Variants in DLG2 observed in about 807,000 individuals in gnomAD.
DLG2 encodes disks large homolog 2.
DLG2 carries 45 observed loss-of-function variants against 132.5 expected under a neutral mutation model. The ratio of observed to expected loss-of-function variants is 0.34; its 90% confidence interval spans 0.27 to 0.44. DLG2 has a LOEUF of 0.44. Ranked by LOEUF, DLG2 falls within the 20% of genes least tolerant of loss-of-function variation. DLG2 has a pLI of 1.00. For synonymous variants in DLG2, 424 were observed against 419.6 expected (o/e 1.01, Z -0.13); for missense variants, 1,045 against 1,196.9 (o/e 0.87, Z 1.87).
At chr11:84,461,101 G>T (rs1221687808) in intron 7 of DLG2, among the ~76,000 whole-genome samples, 1 of 150,738 alleles carries the variant, frequency 6.6e-6, no homozygotes, top group Admixed American at 6.6e-5. Context: ...GGAAGACTAT[G>T]AAAAAAATAA....
At chr11:85,276,872 T>C (rs548583782) in intron 4 of DLG2, among the ~76,000 whole-genome samples, 41 of 152,286 alleles carry the variant, frequency 2.7e-4, no homozygotes, top group African/African-American at 9.6e-4. Flanking sequence ...TAAGGTATGA[T>C]CTAACAAGTG....
At chr11:84,306,262 AATT>A (rs534034776) in intron 7 of DLG2, among the ~76,000 whole-genome samples, 4 of 152,100 alleles carry the variant, frequency 2.6e-5, no homozygotes, top group South Asian at 2.1e-4. Context: ...TAAATATATA[AATT>A]ATTATTTGTC....
intron 7 of DLG2, among the ~76,000 whole-genome samples, chr11:84,367,607 G>A (rs530462804): frequency 6.6e-6 from 1 of 152,168 alleles, no homozygotes; most frequent in East Asian, 1.9e-4. Context: ...GGATTAATGG[G>A]TTAGTGAAGT....
At chr11:83,730,397 T>C (rs896502292) in intron 18 of DLG2, among the ~76,000 whole-genome samples, 1 of 152,168 alleles carries the variant, frequency 6.6e-6, no homozygotes, top group African/African-American at 2.4e-5. Flanking sequence ...ATGTATATGA[T>C]TGTGGGAGAC....
chr11:85,098,719 A>C (rs1177719976), intron 6 of DLG2, among the ~76,000 whole-genome samples: 1 of 152,218 alleles, frequency 6.6e-6, no homozygotes, highest in Admixed American at 6.5e-5. Flanking sequence ...TGTAAATTGA[A>C]ATAGCCTTCA....
chr11:84,521,494 T>C (rs2099300508), intron 7 of DLG2, among the ~76,000 whole-genome samples: 1 of 152,224 alleles, frequency 6.6e-6, no homozygotes. Flanking sequence ...AATTACAATA[T>C]GTTATTCCTA....
intron 7 of DLG2, among the ~76,000 whole-genome samples, chr11:84,304,989 AC>A (rs2098199362): frequency 2.0e-5 from 3 of 152,232 alleles, no homozygotes; most frequent in African/African-American, 7.2e-5. Context: ...CATAGATGAT[AC>A]AACTGACTAC....
At chr11:84,237,701 CT>C (rs1490296034) in intron 8 of DLG2, among the ~76,000 whole-genome samples, 1 of 152,104 alleles carries the variant, frequency 6.6e-6, no homozygotes, top group East Asian at 1.9e-4. Flanking sequence ...CAAGTGACAA[CT>C]GAGGGGAAGT....
intron 3 of DLG2, among the ~76,000 whole-genome samples, chr11:85,382,790 T>C (rs2085999252): frequency 6.6e-6 from 1 of 152,126 alleles, no homozygotes; most frequent in Non-Finnish European, 1.5e-5. Flanking sequence ...CACAATGAGA[T>C]AGCACTTCAC....
intron 7 of DLG2, among the ~76,000 whole-genome samples, chr11:84,529,706 T>C (rs1330623176): frequency 6.6e-6 from 1 of 152,186 alleles, no homozygotes; most frequent in Non-Finnish European, 1.5e-5. Context: ...ATTGTTAAAA[T>C]GGCCATACTC....
chr11:84,258,787 A>G (rs1276836648), intron 7 of DLG2, among the ~76,000 whole-genome samples: 2 of 152,068 alleles, frequency 1.3e-5, no homozygotes, highest in African/African-American at 4.8e-5. Flanking sequence ...AAATGCAATT[A>G]TTTTCTGCCT....
chr11:85,486,868 C>T (rs1191871573), intron 3 of DLG2, among the ~76,000 whole-genome samples: 3 of 151,888 alleles, frequency 2.0e-5, no homozygotes, highest in Admixed American at 6.6e-5. Flanking sequence ...CTAACAGGTG[C>T]GAGAGTAATC....
At chr11:85,331,913 G>A (rs2081781442) in intron 3 of DLG2, among the ~76,000 whole-genome samples, 1 of 152,146 alleles carries the variant, frequency 6.6e-6, no homozygotes, top group Non-Finnish European at 1.5e-5. Context: ...TATAAATAGT[G>A]CTACAATAAA....
At chr11:84,942,811 G>A (rs889355117) in intron 6 of DLG2, among the ~76,000 whole-genome samples, 6 of 152,170 alleles carry the variant, frequency 3.9e-5, no homozygotes, top group Non-Finnish European at 8.8e-5. Context: ...AATGCTGAAA[G>A]TGGGGTGTTG....
intron 8 of DLG2, among the ~76,000 whole-genome samples, chr11:84,193,206 G>A (rs12787368): frequency 0.05 from 7,603 of 152,240 alleles, 229 homozygotes; most frequent in Non-Finnish European, 0.06. Flanking sequence ...CCCTGGCCCC[G>A]AACTCTGGCA....
chr11:84,152,049 G>C (rs1004903667), intron 9 of DLG2, among the ~76,000 whole-genome samples: 2 of 152,148 alleles, frequency 1.3e-5, no homozygotes, highest in Non-Finnish European at 1.5e-5. Context: ...TTATGTAGAT[G>C]TTTATTAGGT....
At chr11:83,839,558 C>A (rs775718559) in intron 16 of DLG2, among the ~76,000 whole-genome samples, 8 of 152,142 alleles carry the variant, frequency 5.3e-5, no homozygotes, top group Non-Finnish European at 1.0e-4. Context: ...AGCATCAGAG[C>A]TAGTCTCTTT....
chr11:83,467,875 G>C, intron 25 of DLG2, among the ~76,000 whole-genome samples: 1 of 131,442 alleles, frequency 7.6e-6, no homozygotes, highest in African/African-American at 2.8e-5. Flanking sequence ...ATTAAATGCG[G>C]GTTAAATGCC....
At chr11:84,218,577 G>A (rs749948503) in intron 8 of DLG2, among the ~76,000 whole-genome samples, 2 of 152,196 alleles carry the variant, frequency 1.3e-5, no homozygotes, top group Non-Finnish European at 2.9e-5. Context: ...GGTATCCCTT[G>A]TCTGTGATCT....
Sources: gnomAD v4.1 joint callset for allele counts (sites outside exome capture counted in the v4.1 genomes callset) on GRCh38, gnomAD v4.1.1 for gene constraint, MANE v1.5 for transcripts, NCBI Gene and HGNC (gene_info 2026-07-23, HGNC 2026-07-21) for gene names.